Variants in CLYBL observed in about 807,000 individuals in gnomAD.
CLYBL encodes citramalyl-CoA lyase, also known as citramalyl-CoA lyase, mitochondrial.
Under a neutral mutation model 38.9 loss-of-function variants are expected in CLYBL, and 31 were observed. That is an observed-to-expected ratio of 0.80 (90% confidence interval 0.60 to 1.08). The LOEUF (loss-of-function observed/expected upper bound fraction) is 1.08, where lower values mean the gene tolerates loss of function less well. Ranked by LOEUF, CLYBL falls within the 50% of genes least tolerant of loss-of-function variation. CLYBL has a pLI of 0.00. For synonymous variants in CLYBL, 171 were observed against 158.6 expected, an observed-to-expected ratio of 1.08 and a Z score of -0.59; for missense variants, 434 against 411.6, an observed-to-expected ratio of 1.05 and a Z score of -0.47.
intron 1 of CLYBL, among the ~76,000 whole-genome samples, chr13:99,731,247 C>A (rs374901132): frequency 2.6e-5 from 4 of 151,686 alleles, no homozygotes; most frequent in Non-Finnish European, 5.9e-5. Flanking sequence ...AGTAGCAAAG[C>A]CTTCTTTAAA....
chr13:99,653,783 C>T (rs74112525), intron 1 of CLYBL, among the ~76,000 whole-genome samples: 6,472 of 152,196 alleles, frequency 0.043, 344 homozygotes, highest in African/African-American at 0.14. Flanking sequence ...TGTTCCTTCT[C>T]CTGCTCAAAT....
chr13:99,764,618 G>C (rs2049231517), intron 1 of CLYBL, among the ~76,000 whole-genome samples: 1 of 151,530 alleles, frequency 6.6e-6, no homozygotes, highest in Non-Finnish European at 1.5e-5. Context: ...TATTTATTTG[G>C]GTCTTCCCTC....
chr13:99,679,775 TTCTA>T (rs2047708080), intron 1 of CLYBL, among the ~76,000 whole-genome samples: 1 of 152,096 alleles, frequency 6.6e-6, no homozygotes, highest in Admixed American at 6.6e-5. Flanking sequence ...AGAAAAGCAT[TTCTA>T]TGGATTCCTC....
intron 1 of CLYBL, among the ~76,000 whole-genome samples, chr13:99,704,598 G>A (rs920482276): frequency 6.6e-6 from 1 of 152,146 alleles, no homozygotes; most frequent in Non-Finnish European, 1.5e-5. Context: ...CAGGGAAACC[G>A]GCCTGTGTTG....
At chr13:99,874,208 C>G (rs2051979849) in intron 7 of CLYBL, among the ~76,000 whole-genome samples, 1 of 152,162 alleles carries the variant, frequency 6.6e-6, no homozygotes, top group African/African-American at 2.4e-5. Flanking sequence ...TTCCCAGAAA[C>G]TAAAATGTTT....
intron 1 of CLYBL, among the ~76,000 whole-genome samples, chr13:99,677,296 G>T (rs1347243391): frequency 2.6e-5 from 4 of 151,836 alleles, no homozygotes; most frequent in African/African-American, 9.7e-5. Flanking sequence ...AGATAAAGAT[G>T]CCAGAAACGG....
intron 1 of CLYBL, among the ~76,000 whole-genome samples, chr13:99,656,892 G>A (rs1418608961): frequency 1.6e-4 from 25 of 152,204 alleles, no homozygotes; most frequent in Non-Finnish European, 1.5e-5. Flanking sequence ...GGGACAGACA[G>A]GAAATCATGG....
intron 2 of CLYBL, among the ~76,000 whole-genome samples, chr13:99,803,168 C>T (rs945312732): frequency 8.5e-5 from 13 of 152,212 alleles, no homozygotes; most frequent in African/African-American, 2.9e-4. Flanking sequence ...TCACCAGTGA[C>T]AGATGTGGAG....
rs191281874 is a variant in CLYBL at position 99,630,453 on chromosome 13, G to C, written c.62+23696G>C. ...ACTATTTATAACACAGGCACCAGAG[G>C]GTTCAGAGACGTGCTAAAAGTGGAG... On this transcript the variant is annotated intron_variant, in intron 1 of 8. Coordinates refer to ENST00000339105, the MANE Select transcript of CLYBL (RefSeq NM_206808.5). Among the ~76,000 whole-genome samples, 400 of 152,268 alleles carry C rather than the reference G, an allele frequency of 2.6e-3. 4 individuals carry two copies. The highest frequency in any genetic ancestry group is 9.3e-3 in the African/African-American group (386 of 41,546).
In CLYBL at chr13:99,866,337, G is replaced by A. The variant is rs1385604228; in HGVS notation, c.732G>A (p.Val244=). The change falls in exon 6 of 9, where the codon GTG becomes GTA. Residue 244 remains valine, a synonymous_variant. Transcript: ENST00000339105. ...KAFGLQAIDL[V]YIDFRDGAGL... ...TTGGTCTCCAAGCCATAGATCTGGT[G>A]TACATTGACTTTCGAGATGGAGCTG... 6 of 1,614,172 alleles carry A rather than the reference G, an allele frequency of 3.7e-6. No individual in the cohort carries two copies. In the South Asian group the frequency reaches 5.5e-5, roughly 15 times the overall value.
rs1414875360 is a variant in CLYBL, at chr13:99,860,572, C to T, written c.438+1523C>T. Among the ~76,000 whole-genome samples, 3 of 152,188 alleles carry T rather than the reference C, an allele frequency of 2.0e-5. No homozygotes were observed. In the East Asian group the frequency reaches 5.8e-4, roughly 29 times the overall value. On this transcript the variant is annotated intron_variant, in intron 3 of 8. Coordinates refer to ENST00000339105, the MANE Select transcript of CLYBL (RefSeq NM_206808.5). ...AAATGGACTCTGAAGTCACTGTTCC[C>T]TTTTGGTTTCATAGTTAATGCCTAT...
At chr13:99,795,115 C>T (rs1405757842) in intron 2 of CLYBL, among the ~76,000 whole-genome samples, 2 of 152,112 alleles carry the variant, frequency 1.3e-5, no homozygotes, top group Non-Finnish European at 1.5e-5. Context: ...AAGTGTGGCT[C>T]GTGAGGAGCA....
intron 2 of CLYBL, among the ~76,000 whole-genome samples, chr13:99,801,372 G>A (rs1037937831): frequency 1.3e-5 from 2 of 151,984 alleles, no homozygotes; most frequent in African/African-American, 4.8e-5. Context: ...GAAAAAATAG[G>A]TGTCCTCATG....
chr13:99,748,620 T>C (rs2048900169), intron 1 of CLYBL, among the ~76,000 whole-genome samples: 1 of 151,040 alleles, frequency 6.6e-6, no homozygotes, highest in African/African-American at 2.4e-5. Flanking sequence ...TTTGTATTTT[T>C]AGTAGAGATG....
intron 7 of CLYBL, among the ~76,000 whole-genome samples, 156 bp from the exon 8 acceptor site, chr13:99,891,162 T>A (rs1333098096): frequency 6.6e-6 from 1 of 152,166 alleles, no homozygotes; most frequent in African/African-American, 2.4e-5. Flanking sequence ...AAGAAGTGTT[T>A]CCTCTGTAAT....
chr13:99,794,465 G>A (rs1344970257), intron 2 of CLYBL, among the ~76,000 whole-genome samples: 2 of 152,042 alleles, frequency 1.3e-5, no homozygotes, highest in African/African-American at 4.8e-5. Context: ...AAAATAAAGA[G>A]AAGATAGTGT....
intron 1 of CLYBL, among the ~76,000 whole-genome samples, chr13:99,670,709 C>G (rs557350761): frequency 7.9e-5 from 12 of 152,258 alleles, no homozygotes; most frequent in African/African-American, 2.2e-4. Flanking sequence ...AAAATTGACC[C>G]CCTGATCTTA....
At chr13:99,838,209 G>T (rs1400228223) in intron 2 of CLYBL, among the ~76,000 whole-genome samples, 2 of 152,016 alleles carry the variant, frequency 1.3e-5, no homozygotes, top group Non-Finnish European at 2.9e-5. Context: ...TAAAACTAAG[G>T]GATACTCAAA....
chr13:99,622,075 G>A (rs2046805944), intron 1 of CLYBL, among the ~76,000 whole-genome samples: 1 of 152,202 alleles, frequency 6.6e-6, no homozygotes, highest in African/African-American at 2.4e-5. Context: ...TTCAAAGCCA[G>A]ACCCAGTGGG....
Sources: allele counts gnomAD v4.1 joint callset (sites outside exome capture counted in the v4.1 genomes callset), GRCh38; gene constraint gnomAD v4.1.1; transcripts MANE v1.5; gene names NCBI Gene and HGNC (gene_info 2026-07-23, HGNC 2026-07-21).